The following METTL15 variants were observed in gnomAD, a reference collection of about 807,000 sequenced individuals.
METTL15 encodes the protein methyltransferase 15, mitochondrial 12S rRNA N4-cytidine, also known as 12S rRNA N(4)-cytidine methyltransferase METTL15.
Under a neutral mutation model 38.3 loss-of-function variants are expected in METTL15, and 34 were observed. That is an observed-to-expected ratio of 0.89 (90% CI 0.68 to 1.18). The LOEUF (loss-of-function observed/expected upper bound fraction) is 1.18, where lower values mean the gene tolerates loss of function less well. METTL15 is among the 50% of genes most tolerant of loss of function. The probability of loss-of-function intolerance (pLI) is 0.00; values close to 1 mark genes in which losing one functional copy is unlikely to be tolerated. For synonymous variants in METTL15, 162 were observed against 170.9 expected, an observed-to-expected ratio of 0.95 and a Z score of 0.41; for missense variants, 438 against 498.4, an observed-to-expected ratio of 0.88 and a Z score of 1.15.
rs1203582375 is a variant in METTL15 at position 28,400,694 on chromosome 11, A to G, written c.*359-23605A>G. On this transcript the variant is annotated intron_variant and NMD_transcript_variant, in intron 5 of 7. Transcript: ENST00000532947. ...CTGAGGGGTTTACATTACCCACATGAGTGTGGATAAAATCAAAGTTTCATC... is the reference window on the plus strand; with the variant it reads ...CTGAGGGGTTTACATTACCCACATGGGTGTGGATAAAATCAAAGTTTCATC... 3.3e-5 allele frequency among the ~76,000 whole-genome samples: 5 copies of G among 152,048 alleles called. No individual in the cohort carries two copies. In the East Asian group the frequency reaches 9.7e-4, roughly 30 times the overall value.
At chr11:28,311,859 G>A (rs1857316318) in intron 6 of METTL15, among the ~76,000 whole-genome samples, 2 of 152,182 alleles carry the variant, frequency 1.3e-5, no homozygotes, top group Non-Finnish European at 2.9e-5. Context: ...TTTCATTAAT[G>A]GATTCATCAG....
chr11:28,525,016 T>C (rs1851797445), intron 6 of METTL15, among the ~76,000 whole-genome samples: 1 of 152,032 alleles, frequency 6.6e-6, no homozygotes. Context: ...GTGTTACAGT[T>C]CTTAAGGCAG....
rs1850112547 is a variant in METTL15, at chr11:28,358,950, G to C, written c.*259-2987G>C. Among the ~76,000 whole-genome samples, 3 of 152,074 alleles carry C rather than the reference G, an allele frequency of 2.0e-5. No homozygotes were observed. The South Asian group carries it at 6.2e-4, about 32-fold the overall frequency. On this transcript the variant is annotated intron_variant and NMD_transcript_variant, in intron 4 of 7. Transcript: ENST00000532947. ...GTTGTTTTTCTCAACTTCTATTTTA[G>C]ATTCAGAGGGTACATGTGTAGGTTT...
chr11:28,183,119 CTT>C (rs34386451), intron 3 of METTL15, among the ~76,000 whole-genome samples: 1 of 152,038 alleles, frequency 6.6e-6, no homozygotes, highest in Non-Finnish European at 1.5e-5. Context: ...TATCCTGAGA[CTT>C]TGCTGAAGTT....
intron 3 of METTL15, among the ~76,000 whole-genome samples, chr11:28,175,527 A>C (rs933264421): frequency 6.6e-6 from 1 of 152,146 alleles, no homozygotes; most frequent in Admixed American, 6.6e-5. Context: ...CGCCACACTG[A>C]CTTCCACAAT....
chr11:28,506,522 A>G (rs752759628), intron 6 of METTL15, among the ~76,000 whole-genome samples: 4 of 152,152 alleles, frequency 2.6e-5, no homozygotes, highest in Non-Finnish European at 5.9e-5. Context: ...ATTATTATAC[A>G]TATTCTGTCC....
chr11:28,182,541 G>C (rs1851330455), intron 3 of METTL15, among the ~76,000 whole-genome samples: 1 of 152,028 alleles, frequency 6.6e-6, no homozygotes, highest in African/African-American at 2.4e-5. Flanking sequence ...GTTTTTGTCA[G>C]GTTTGTCAAA....
chr11:28,310,961 G>GTGT (rs1555032415), intron 6 of METTL15, among the ~76,000 whole-genome samples: 16 of 99,426 alleles, frequency 1.6e-4, no homozygotes, highest in African/African-American at 6.2e-4. Context: ...TGGTGGTGGT[G>GTGT]GTGGGTGTGT....
intron 3 of METTL15, among the ~76,000 whole-genome samples, chr11:28,125,179 T>A (rs1439578690): frequency 6.6e-6 from 1 of 152,112 alleles, no homozygotes; most frequent in Non-Finnish European, 1.5e-5. Flanking sequence ...TTTTCTAAAG[T>A]TATTAAGCTT....
chr11:28,308,156 G>T (rs927361618), intron 6 of METTL15, among the ~76,000 whole-genome samples: 1 of 151,844 alleles, frequency 6.6e-6, no homozygotes, highest in Non-Finnish European at 1.5e-5. Flanking sequence ...AAGTCTGCTT[G>T]TCTTTATTTT....
chr11:28,234,216 T>C (rs1355430441), intron 4 of METTL15, among the ~76,000 whole-genome samples: 2 of 152,186 alleles, frequency 1.3e-5, no homozygotes, highest in African/African-American at 4.8e-5. Flanking sequence ...GTTGGACATT[T>C]GGGTTGGTTC....
intron 5 of METTL15, among the ~76,000 whole-genome samples, chr11:28,392,800 A>G (rs1011040737): frequency 6.6e-6 from 1 of 151,998 alleles, no homozygotes; most frequent in Non-Finnish European, 1.5e-5. Context: ...CTACAACTGA[A>G]CAAAAACAAA....
chr11:28,526,749 T>G (rs1851815201), exon 8 of METTL15: 1 of 152,252 alleles, frequency 6.6e-6, no homozygotes, highest in South Asian at 2.1e-4. Flanking sequence ...TGTCTGTTAT[T>G]TAAGCCATTC....
chr11:28,527,543 G>A (rs1851820603), downstream of METTL15, among the ~76,000 whole-genome samples: 1 of 152,160 alleles, frequency 6.6e-6, no homozygotes, highest in Non-Finnish European at 1.5e-5. Context: ...TCCTTGTGGA[G>A]CATTAATACA....
chr11:28,373,988 T>C (rs908127768), intron 5 of METTL15, among the ~76,000 whole-genome samples: 2 of 152,090 alleles, frequency 1.3e-5, no homozygotes, highest in African/African-American at 4.8e-5. Flanking sequence ...TTATGCGGCG[T>C]TATTTCTGAG....
At chr11:28,438,090 T>C (rs1850998996) in intron 6 of METTL15, among the ~76,000 whole-genome samples, 1 of 152,230 alleles carries the variant, frequency 6.6e-6, no homozygotes, top group Non-Finnish European at 1.5e-5. Context: ...TTATTCCTAT[T>C]TTAAGAAGTT....
At position 28,306,483 on chromosome 11, in the gene METTL15, A is replaced by G. The variant is rs117744945; in HGVS notation, c.778+9552A>G. Among the ~76,000 whole-genome samples the G allele has an allele frequency of 9.2e-5, 14 of 152,138 alleles. 1 individual carries two copies. The East Asian group carries it at 2.7e-3, about 29-fold the overall frequency. ...CAGAATTTAGATCAGGCAGTCTTAC[A>G]TATTATTTGTACTGTCTTGTTTTTG... On this transcript the variant is annotated intron_variant, in intron 6 of 6. Transcript: ENST00000407364.
intron 3 of METTL15, among the ~76,000 whole-genome samples, chr11:28,195,152 A>C (rs573051646): frequency 4.6e-5 from 7 of 152,256 alleles, no homozygotes; most frequent in Non-Finnish European, 7.4e-5. Flanking sequence ...ATTGTACTGC[A>C]ATAAACATAT....
intron 3 of METTL15, among the ~76,000 whole-genome samples, chr11:28,194,192 C>CTTTCTTTTT (rs1554995677): frequency 8.0e-6 from 1 of 125,060 alleles, no homozygotes; most frequent in Non-Finnish European, 1.6e-5. Context: ...CTCTCTCTCT[C>CTTTCTTTTT]CTCTCTCTCT....
Sources: gnomAD v4.1 joint callset for allele counts (sites outside exome capture counted in the v4.1 genomes callset) on GRCh38, gnomAD v4.1.1 for gene constraint, MANE v1.5 for transcripts, NCBI Gene and HGNC (gene_info 2026-07-23, HGNC 2026-07-21) for gene names.